The following ZFHX3 variants were observed in gnomAD, a reference collection of about 807,000 sequenced individuals.
ZFHX3 encodes the protein zinc finger homeobox protein 3.
A neutral mutation model predicts 279.1 loss-of-function variants in ZFHX3; 42 were observed. The observed-to-expected ratio is 0.15, with a 90% confidence interval of 0.12 to 0.19. ZFHX3 has a LOEUF of 0.19. ZFHX3 is among the 10% of genes least tolerant of loss of function. The pLI is 1.00. For synonymous variants in ZFHX3, 2,293 were observed against 1,957.8 expected (o/e 1.17, Z -4.52); for missense variants, 4,981 against 4,754.0 (o/e 1.05, Z -1.40).
At chr16:73,399,793 G>C (rs1490259702) in intron 3 of ZFHX3, among the ~76,000 whole-genome samples, 1 of 151,734 alleles carries the variant, frequency 6.6e-6, no homozygotes, top group Non-Finnish European at 1.5e-5. Context: ...GCCATCAAAA[G>C]TGTGTGGAAA....
intron 7 of ZFHX3, among the ~76,000 whole-genome samples, chr16:73,124,823 G>T (rs550859674): frequency 1.3e-5 from 2 of 152,176 alleles, no homozygotes; most frequent in African/African-American, 4.8e-5. Flanking sequence ...GGGTCAAGAG[G>T]GTTGCTTAAC....
At chr16:73,555,727 C>G (rs75421940) in intron 2 of ZFHX3, among the ~76,000 whole-genome samples, 3,067 of 151,396 alleles carry the variant, frequency 0.02, 187 homozygotes, top group Admixed American at 0.12. Flanking sequence ...AGCTACTGAG[C>G]AGGCTGAGGC....
chr16:73,105,245 T>A (rs1037142500), intron 7 of ZFHX3, among the ~76,000 whole-genome samples: 86 of 145,378 alleles, frequency 5.9e-4, no homozygotes, highest in Non-Finnish European at 1.0e-3. Flanking sequence ...GTCTCTAATT[T>A]TATATATATA....
chr16:73,531,042 C>A (rs2019791996), intron 2 of ZFHX3, among the ~76,000 whole-genome samples: 1 of 152,180 alleles, frequency 6.6e-6, no homozygotes, highest in Admixed American at 6.5e-5. Context: ...GTCAAACATG[C>A]CAAATAGCTT....
chr16:73,760,017 T>A (rs2053847339), intron 1 of ZFHX3, among the ~76,000 whole-genome samples: 3 of 149,524 alleles, frequency 2.0e-5, no homozygotes, highest in African/African-American at 7.4e-5. Context: ...CTGTTTTTTT[T>A]TAAAAAAAAA....
chr16:73,566,615 G>A (rs115221304), intron 2 of ZFHX3, among the ~76,000 whole-genome samples: 284 of 133,286 alleles, frequency 2.1e-3, no homozygotes, highest in African/African-American at 6.7e-3. Context: ...CAAACTCCTG[G>A]GCTCAAGCAA....
intron 3 of ZFHX3, among the ~76,000 whole-genome samples, chr16:73,337,025 C>A (rs1378518582): frequency 6.6e-6 from 1 of 152,162 alleles, no homozygotes; most frequent in African/African-American, 2.4e-5. Context: ...ACCACCACTA[C>A]CTGCCAAAGG....
intron 3 of ZFHX3, among the ~76,000 whole-genome samples, chr16:72,891,728 G>C (rs1373050700): frequency 6.6e-6 from 1 of 152,182 alleles, no homozygotes; most frequent in East Asian, 1.9e-4. Flanking sequence ...CAGGTCATGT[G>C]AGTGCTTTAT....
At chr16:73,337,035 G>A (rs2015927203) in intron 3 of ZFHX3, among the ~76,000 whole-genome samples, 1 of 151,904 alleles carries the variant, frequency 6.6e-6, no homozygotes, top group Non-Finnish European at 1.5e-5. Context: ...CCTGCCAAAG[G>A]GACCTCCCAA....
intron 7 of ZFHX3, among the ~76,000 whole-genome samples, chr16:73,122,491 G>C (rs1224921351): frequency 6.6e-6 from 1 of 152,080 alleles, no homozygotes; most frequent in Admixed American, 6.6e-5. Context: ...ACAGGTGTGA[G>C]CCACTGTGCC....
chr16:73,716,026 A>C (rs1354129243), intron 1 of ZFHX3, among the ~76,000 whole-genome samples: 1 of 152,212 alleles, frequency 6.6e-6, no homozygotes, highest in African/African-American at 2.4e-5. Context: ...ACATTGTTTG[A>C]AAAATTATTT....
chr16:72,976,744 G>A (rs1962364464), intron 1 of ZFHX3, among the ~76,000 whole-genome samples: 1 of 152,206 alleles, frequency 6.6e-6, no homozygotes, highest in African/African-American at 2.4e-5. Flanking sequence ...ACAAGGTGTG[G>A]TCACAGTGAA....
intron 1 of ZFHX3, among the ~76,000 whole-genome samples, chr16:72,968,284 C>T (rs764328084): frequency 7.9e-5 from 12 of 152,012 alleles, no homozygotes; most frequent in Admixed American, 4.6e-4. Flanking sequence ...GGCCATGCAA[C>T]GGAAAGACAG....
chr16:73,314,983 T>G (rs866504403), intron 4 of ZFHX3, among the ~76,000 whole-genome samples: 11 of 152,192 alleles, frequency 7.2e-5, no homozygotes, highest in Non-Finnish European at 1.3e-4. Flanking sequence ...ATTCCAGCAC[T>G]TTGGGAGGCT....
intron 3 of ZFHX3, among the ~76,000 whole-genome samples, chr16:73,375,817 A>AT (rs532548156): frequency 4.6e-5 from 7 of 152,132 alleles, no homozygotes; most frequent in African/African-American, 9.7e-5. Flanking sequence ...ACAGCTTACT[A>AT]TTTTTTTATA....
chr16:73,404,960 G>A (rs766185387), intron 3 of ZFHX3, among the ~76,000 whole-genome samples: 19 of 152,252 alleles, frequency 1.2e-4, no homozygotes, highest in Non-Finnish European at 2.6e-4. Flanking sequence ...TTGTTCCCAC[G>A]GAGTCACATC....
At chr16:73,676,683 T>A (rs537886947) in intron 2 of ZFHX3, among the ~76,000 whole-genome samples, 1 of 151,988 alleles carries the variant, frequency 6.6e-6, no homozygotes, top group African/African-American at 2.4e-5. Flanking sequence ...ACTAGAAGAC[T>A]GAGTCACAAC....
intron 2 of ZFHX3, among the ~76,000 whole-genome samples, chr16:73,515,179 T>G (rs2019498098): frequency 6.6e-6 from 1 of 152,204 alleles, no homozygotes; most frequent in Non-Finnish European, 1.5e-5. Context: ...TAAATTGTAT[T>G]TTTGTGTGCA....
intron 8 of ZFHX3, among the ~76,000 whole-genome samples, chr16:73,084,529 T>TG (rs909043020): frequency 3.4e-5 from 5 of 146,470 alleles, no homozygotes; most frequent in African/African-American, 1.3e-4. Flanking sequence ...TTTTTTTTTT[T>TG]TTTTTTTTTG....
Sources: allele counts gnomAD v4.1 joint callset (sites outside exome capture counted in the v4.1 genomes callset), GRCh38; gene constraint gnomAD v4.1.1; transcripts MANE v1.5; gene names NCBI Gene and HGNC (gene_info 2026-07-23, HGNC 2026-07-21).